PIEZO2: variants seen among roughly 807,000 people sequenced by gnomAD.
PIEZO2 encodes the protein piezo type mechanosensitive ion channel component 2.
In PIEZO2, 172 loss-of-function variants were observed where a neutral mutation model predicts 337.3. The observed-to-expected ratio is 0.51, with a 90% CI of 0.45 to 0.58. The LOEUF (loss-of-function observed/expected upper bound fraction) is 0.58, where lower values mean the gene tolerates loss of function less well. Among genes scored for constraint, PIEZO2 ranks in the 20% least tolerant of loss-of-function variants. The probability of loss-of-function intolerance (pLI) is 0.00; values close to 1 mark genes in which losing one functional copy is unlikely to be tolerated. For missense variants in PIEZO2, 3,028 were observed against 3,391.3 expected (o/e 0.89, Z 2.66); for synonymous variants, 1,251 against 1,228.5 (o/e 1.02, Z -0.38).
chr18:10,871,354 T>G lies in PIEZO2; in HGVS notation c.391A>C (p.Ile131Leu), dbSNP rs1252197231. Residue 131 changes from isoleucine (I) to leucine (L), a missense_variant, in exon 5 of 56, where the codon ATT becomes CTT. Around this residue, in one of 5 missense-constraint regions of PIEZO2, gnomAD observed 542 missense variants for 605.6 expected, o/e 0.89. Coordinates refer to ENST00000674853, the MANE Select transcript of PIEZO2 (RefSeq NM_001378183.1). ...AGGAGCCAGATGGTCAGACTAGCAA[T>G]GAACATCCCGATGTCAGGTACAAAC... ...RVFVPDIGMF[I>L]ASLTIWLLCR... 2.6e-6 allele frequency: 4 copies of G among 1,537,274 alleles called. No individual in the cohort carries two copies. The South Asian group carries it at 4.8e-5, about 18-fold the overall frequency.
chr18:11,138,493 C>T (rs1051537455), intron 1 of PIEZO2, among the ~76,000 whole-genome samples: 3 of 152,020 alleles, frequency 2.0e-5, no homozygotes, highest in South Asian at 2.1e-4. Context: ...CGAGGTTTCC[C>T]CATGTTGCCC....
chr18:10,933,226 C>T (rs1368745240), intron 3 of PIEZO2, among the ~76,000 whole-genome samples: 1 of 151,960 alleles, frequency 6.6e-6, no homozygotes, highest in East Asian at 1.9e-4. Flanking sequence ...AAAAAGATAC[C>T]TAGCTTTTTC....
chr18:10,968,185 G>A (rs1465932536), intron 3 of PIEZO2, among the ~76,000 whole-genome samples: 4 of 152,120 alleles, frequency 2.6e-5, no homozygotes, highest in Admixed American at 2.6e-4. Context: ...AATTATCCCA[G>A]CACCATTTGT....
At chr18:10,769,253 G>A (rs1168884109) in intron 21 of PIEZO2, among the ~76,000 whole-genome samples, 2 of 152,190 alleles carry the variant, frequency 1.3e-5, no homozygotes, top group Non-Finnish European at 2.9e-5. Flanking sequence ...TGGAGCCGCT[G>A]CCATTTCCCC....
rs913534052 is a variant in PIEZO2 at position 10,830,850 on chromosome 18, T to C, written c.918-23576A>G. 6.6e-6 allele frequency among the ~76,000 whole-genome samples: 1 copy of C among 152,126 alleles called. No individual in the cohort carries two copies. The highest frequency in any genetic ancestry group is 1.5e-5 in the Non-Finnish European group (1 of 68,004). ...TTCAATAGGAAAAAAAATCTAATAATCTGGTTAAAAATTTGGTCAAGATCT... is the reference window on the plus strand; with the variant it reads ...TTCAATAGGAAAAAAAATCTAATAACCTGGTTAAAAATTTGGTCAAGATCT... On this transcript the variant is annotated intron_variant, in intron 7 of 55. Coordinates refer to ENST00000674853, the MANE Select transcript of PIEZO2 (RefSeq NM_001378183.1). The surrounding 1 kb of genome is among the most constrained non-coding windows in gnomAD (Gnocchi z 4.7).
rs921775676 is a variant in PIEZO2, at chr18:10,682,353, G to A, written c.7498-61C>T. On this transcript the variant is annotated intron_variant, in intron 49 of 55. Transcript: ENST00000674853. This position sits in a 1 kb window ranked among gnomAD's most constrained non-coding sequence, Gnocchi z 5.6. Reference sequence around the variant, plus strand: ...GCTCAGGTGCTTTCCCGCAGGCAGCGGGATTGGGGGAGAGCGAGTGCTCTT... The same window carrying A: ...GCTCAGGTGCTTTCCCGCAGGCAGCAGGATTGGGGGAGAGCGAGTGCTCTT... 19 of 1,410,614 alleles carry A rather than the reference G, an allele frequency of 1.3e-5. No homozygotes were observed. The Admixed American group carries it at 1.5e-4, about 11-fold the overall frequency. 87.4% of individuals were successfully genotyped at this position (1,410,614 alleles called of 1,614,324 possible).
At chr18:10,760,507 G>A (rs557322061) in intron 24 of PIEZO2, among the ~76,000 whole-genome samples, 12 of 152,186 alleles carry the variant, frequency 7.9e-5, no homozygotes, top group Non-Finnish European at 1.5e-4. Flanking sequence ...GTTCCACCAT[G>A]TTGCCCAGGC....
Position 10,759,594 on chromosome 18 carries a change from G to A in PIEZO2, c.3656-11C>T, listed in dbSNP as rs1186244394. 2.6e-5 allele frequency: 40 copies of A among 1,536,542 alleles called. No individual in the cohort carries two copies. The Admixed American group carries it at 7.5e-4, about 29-fold the overall frequency. ...ATCTCCACGGGTAATCTGCAGGGAGGGAAGTGGCGAACAGCACAATCAATA... is the reference window on the plus strand; with the variant it reads ...ATCTCCACGGGTAATCTGCAGGGAGAGAAGTGGCGAACAGCACAATCAATA... On this transcript the variant is annotated splice_polypyrimidine_tract_variant and intron_variant, in intron 25 of 55. Transcript: ENST00000674853. This position sits in a 1 kb window ranked among gnomAD's most constrained non-coding sequence, Gnocchi z 5.5.
At chr18:11,085,856 A>C (rs1296411184) in intron 1 of PIEZO2, among the ~76,000 whole-genome samples, 2 of 147,034 alleles carry the variant, frequency 1.4e-5, no homozygotes, top group Non-Finnish European at 3.0e-5. Context: ...AAAAAAAAAA[A>C]CGGAGAGAGT....
At chr18:10,698,524 G>A (rs2035198378) in intron 44 of PIEZO2, among the ~76,000 whole-genome samples, 2 of 152,182 alleles carry the variant, frequency 1.3e-5, no homozygotes, top group South Asian at 4.1e-4. Flanking sequence ...AATAACCATA[G>A]TTTGGCTAAA....
chr18:10,672,202 T>C lies in PIEZO2; in HGVS notation c.8346-423A>G, dbSNP rs1223182502. Among the ~76,000 whole-genome samples the C allele has an allele frequency of 2.0e-5, 3 of 152,226 alleles. No individual in the cohort carries two copies. Among genetic ancestry groups the C allele is most frequent in the Non-Finnish European group, 4.4e-5 (3 of 68,042 alleles). On this transcript the variant is annotated intron_variant, in intron 55 of 55. Transcript: ENST00000674853. The surrounding 1 kb of genome is among the most constrained non-coding windows in gnomAD (Gnocchi z 4.7). Reference sequence around the variant, plus strand: ...GTCTCTCAGATTAATTTTTATAAAATTCTGGGTGAAAATCATTTCTTATGA... The same window carrying C: ...GTCTCTCAGATTAATTTTTATAAAACTCTGGGTGAAAATCATTTCTTATGA...
intron 45 of PIEZO2, among the ~76,000 whole-genome samples, chr18:10,697,426 T>C (rs1422657862): frequency 1.3e-5 from 2 of 152,244 alleles, no homozygotes; most frequent in African/African-American, 4.8e-5. Flanking sequence ...CCTTCCAGCA[T>C]TGACACTGTA....
Position 10,676,939 on chromosome 18 carries a change from G to A in PIEZO2, c.8081+808C>T, listed in dbSNP as rs1331666030. The stretch of plus-strand genomic sequence containing the variant: ...CCCGGGGGCAGGGCAGGGAGAATGC[G>A]ATACCACTGGGCACATACTATGTTG... On this transcript the variant is annotated intron_variant, in intron 53 of 55. Transcript: ENST00000674853. The surrounding 1 kb of genome is among the most constrained non-coding windows in gnomAD (Gnocchi z 5.1). Among the ~76,000 whole-genome samples the A allele has an allele frequency of 1.3e-5, 2 of 152,186 alleles. No individual in the cohort carries two copies. Among genetic ancestry groups the A allele is most frequent in the East Asian group, 3.9e-4 (2 of 5,192 alleles).
intron 39 of PIEZO2, among the ~76,000 whole-genome samples, chr18:10,712,513 A>G (rs886628709): frequency 1.3e-5 from 2 of 152,250 alleles, no homozygotes; most frequent in Non-Finnish European, 2.9e-5. Context: ...TAGCTTTCAA[A>G]AAGTAAAAAT....
At position 11,078,765 on chromosome 18, in the gene PIEZO2, C is replaced by A. The variant is rs544135277; in HGVS notation, c.65-12543G>T. Among the ~76,000 whole-genome samples, 1 of 152,318 alleles carries A rather than the reference C, an allele frequency of 6.6e-6. No homozygotes were observed. Among genetic ancestry groups the A allele is most frequent in the South Asian group, 2.1e-4 (1 of 4,816 alleles). On this transcript the variant is annotated intron_variant, in intron 1 of 55. Coordinates refer to ENST00000674853, the MANE Select transcript of PIEZO2 (RefSeq NM_001378183.1). This position sits in a 1 kb window ranked among gnomAD's most constrained non-coding sequence, Gnocchi z 5.3. The stretch of plus-strand genomic sequence containing the variant: ...ATAGCAATGAATTGGATGAATGCCT[C>A]AAAATGAACCTCTTTTGCCAGATCT...
intron 3 of PIEZO2, among the ~76,000 whole-genome samples, chr18:10,951,359 G>A (rs971115646): frequency 5.9e-5 from 9 of 152,102 alleles, no homozygotes; most frequent in Non-Finnish European, 1.3e-4. Flanking sequence ...GAAATCTGAC[G>A]ATTAAGTTGA....
At chr18:11,082,467 G>A (rs567746719) in intron 1 of PIEZO2, among the ~76,000 whole-genome samples, 2 of 151,920 alleles carry the variant, frequency 1.3e-5, no homozygotes, top group Admixed American at 6.6e-5. Flanking sequence ...ACAGGCACCC[G>A]CCACCACGCC....
At chr18:10,908,165 G>T (rs1052987522) in intron 4 of PIEZO2, among the ~76,000 whole-genome samples, 1 of 152,226 alleles carries the variant, frequency 6.6e-6, no homozygotes, top group Non-Finnish European at 1.5e-5. Flanking sequence ...CATCTCAGGG[G>T]AGGTCCACCA....
At position 11,146,439 on chromosome 18, in the gene PIEZO2, C is replaced by A. The variant is rs2040814294; in HGVS notation, c.64+2086G>T. ...GCAGGGCTGAATCCAGACCCCAGTC[C>A]CCCCACCTCCACCCTGGCTGCGAGT... On this transcript the variant is annotated intron_variant, in intron 1 of 55. Coordinates refer to ENST00000674853, the MANE Select transcript of PIEZO2 (RefSeq NM_001378183.1). This position sits in a 1 kb window ranked among gnomAD's most constrained non-coding sequence, Gnocchi z 6.1. 6.6e-6 allele frequency among the ~76,000 whole-genome samples: 1 copy of A among 152,122 alleles called. No individual in the cohort carries two copies. The highest frequency in any genetic ancestry group is 2.4e-5 in the African/African-American group (1 of 41,420).
Sources: gnomAD v4.1 joint callset for allele counts (sites outside exome capture counted in the v4.1 genomes callset) on GRCh38, gnomAD v4.1.1 for gene constraint, gnomAD v4.1.1 regional missense constraint, Gnocchi (gnomAD v3.1) non-coding constraint, MANE v1.5 for transcripts, NCBI Gene and HGNC (gene_info 2026-07-23, HGNC 2026-07-21) for gene names.